GNAL: variants seen among roughly 807,000 people sequenced by gnomAD.
The protein encoded by GNAL is G protein subunit alpha L.
In GNAL, 18 loss-of-function variants were observed where a neutral mutation model predicts 55.1. That is an observed-to-expected ratio of 0.33 (90% confidence interval 0.23 to 0.48). The LOEUF is 0.48. Among genes scored for constraint, GNAL ranks in the 20% least tolerant of loss-of-function variants. GNAL has a pLI of 0.99. For synonymous variants in GNAL, 253 were observed against 237.0 expected (o/e 1.07, Z -0.62); for missense variants, 412 against 614.1 (o/e 0.67, Z 3.48).
At chr18:11,783,576 A>G (rs1419883163) in intron 4 of GNAL, among the ~76,000 whole-genome samples, 1 of 152,196 alleles carries the variant, frequency 6.6e-6, no homozygotes, top group East Asian at 1.9e-4. Context: ...GCACTGACCA[A>G]ACATAGAAAA....
intron 1 of GNAL, among the ~76,000 whole-genome samples, chr18:11,740,246 T>C (rs574442924): frequency 6.6e-6 from 1 of 152,228 alleles, no homozygotes; most frequent in South Asian, 2.1e-4. Flanking sequence ...TGTGTGCTAG[T>C]GGTGTACCCC....
At chr18:11,704,136 C>T (rs1190285166) in intron 1 of GNAL, among the ~76,000 whole-genome samples, 12 of 152,174 alleles carry the variant, frequency 7.9e-5, no homozygotes, top group African/African-American at 2.4e-4. Context: ...GGTGTTCTTC[C>T]GTGGAGCCTG....
chr18:11,765,657 T>A (rs1451699742), intron 4 of GNAL, among the ~76,000 whole-genome samples: 1 of 152,210 alleles, frequency 6.6e-6, no homozygotes, highest in Admixed American at 6.5e-5. Flanking sequence ...AGTGAGAACA[T>A]GTGATATTTG....
chr18:11,872,235 G>A (rs1230741515), intron 9 of GNAL, 33 bp from the exon 10 acceptor site: 3 of 1,477,362 alleles, frequency 2.0e-6, no homozygotes, highest in African/African-American at 2.9e-5. Flanking sequence ...ACTAGTGTAT[G>A]TGAAATTTGT....
At chr18:11,772,067 A>T (rs951976973) in intron 4 of GNAL, among the ~76,000 whole-genome samples, 3 of 152,142 alleles carry the variant, frequency 2.0e-5, no homozygotes, top group African/African-American at 7.2e-5. Context: ...CCCACATCAT[A>T]CAAATCATTT....
intron 1 of GNAL, chr18:11,747,179 T>A (rs1598425562): frequency 2.5e-6 from 1 of 393,862 alleles, no homozygotes; most frequent in East Asian, 6.3e-5. Flanking sequence ...ATCGATTTTC[T>A]TCCTGTTACA....
intron 5 of GNAL, among the ~76,000 whole-genome samples, chr18:11,838,096 A>G (rs576851649): frequency 6.6e-6 from 1 of 152,206 alleles, no homozygotes; most frequent in South Asian, 2.1e-4. Context: ...GCATCACTGC[A>G]CTCCAGCCTA....
intron 9 of GNAL, among the ~76,000 whole-genome samples, chr18:11,869,477 T>C (rs1228677900): frequency 6.6e-6 from 1 of 152,198 alleles, no homozygotes; most frequent in Non-Finnish European, 1.5e-5. Flanking sequence ...TTCTGATAGT[T>C]CTTTGTCAAG....
At chr18:11,773,834 G>A (rs182999742) in intron 4 of GNAL, among the ~76,000 whole-genome samples, 57 of 152,228 alleles carry the variant, frequency 3.7e-4, no homozygotes, top group Non-Finnish European at 7.2e-4. Context: ...AAAAACAATC[G>A]CATCTGAGTA....
chr18:11,756,485 T>C (rs2033059806), intron 4 of GNAL, among the ~76,000 whole-genome samples: 1 of 151,932 alleles, frequency 6.6e-6, no homozygotes, highest in Non-Finnish European at 1.5e-5. Context: ...TTGTCTTAAA[T>C]GTCTATGCAC....
intron 5 of GNAL, chr18:11,854,472 T>C (rs528247884): frequency 1.4e-4 from 24 of 167,170 alleles, no homozygotes; most frequent in African/African-American, 5.5e-4. Context: ...GTGCATCCTG[T>C]TTTAAAAAAC....
At chr18:11,747,193 C>T in intron 1 of GNAL, 2 of 388,384 alleles carry the variant, frequency 5.1e-6, no homozygotes, top group South Asian at 4.7e-5. Flanking sequence ...TGTTACATGT[C>T]TCTGCCACCA....
chr18:11,862,761 A>C (rs1393586074), intron 6 of GNAL, among the ~76,000 whole-genome samples: 1 of 151,980 alleles, frequency 6.6e-6, no homozygotes, highest in African/African-American at 2.4e-5. Context: ...TCCTGGCTTC[A>C]TAAACTATGC....
intron 1 of GNAL, among the ~76,000 whole-genome samples, chr18:11,732,331 C>T (rs1048211882): frequency 4.6e-5 from 7 of 152,152 alleles, no homozygotes; most frequent in South Asian, 4.2e-4. Context: ...CACATCTCAC[C>T]GACACTCGTT....
At chr18:11,762,058 G>A (rs778536929) in intron 4 of GNAL, among the ~76,000 whole-genome samples, 44 of 152,156 alleles carry the variant, frequency 2.9e-4, no homozygotes, top group Non-Finnish European at 3.7e-4. Flanking sequence ...TAGATGGTGC[G>A]TGAGGCCTCA....
intron 1 of GNAL, among the ~76,000 whole-genome samples, chr18:11,715,675 G>C (rs2031946486): frequency 2.6e-5 from 4 of 151,986 alleles, no homozygotes; most frequent in African/African-American, 9.7e-5. Context: ...TGCATGAACT[G>C]ATGTGTTCAA....
chr18:11,843,233 T>C (rs2143743428), intron 5 of GNAL, among the ~76,000 whole-genome samples: 1 of 151,802 alleles, frequency 6.6e-6, no homozygotes, highest in African/African-American at 2.4e-5. Flanking sequence ...GTGTGGTGGC[T>C]CACGCCTGTA....
intron 4 of GNAL, among the ~76,000 whole-genome samples, chr18:11,796,990 T>C (rs1241425146): frequency 3.9e-5 from 6 of 152,192 alleles, no homozygotes; most frequent in African/African-American, 1.4e-4. Flanking sequence ...GGTCTCACTG[T>C]GCCACCCAGG....
intron 1 of GNAL, among the ~76,000 whole-genome samples, chr18:11,694,194 C>T (rs765950364): frequency 1.8e-4 from 27 of 152,016 alleles, no homozygotes; most frequent in Admixed American, 1.6e-3. Flanking sequence ...AGGTTAGTCC[C>T]GTCTCCCATC....
Sources: allele counts gnomAD v4.1 joint callset (sites outside exome capture counted in the v4.1 genomes callset), GRCh38; gene constraint gnomAD v4.1.1; transcripts MANE v1.5; gene names NCBI Gene and HGNC (gene_info 2026-07-23, HGNC 2026-07-21).